Variants in CCDC171 observed in about 807,000 individuals in gnomAD.
CCDC171 encodes coiled-coil domain-containing protein 171.
CCDC171 carries 177 observed loss-of-function variants against 168.2 expected under a neutral mutation model. The ratio of observed to expected loss-of-function variants is 1.05; its 90% CI spans 0.93 to 1.19. The LOEUF (loss-of-function observed/expected upper bound fraction) is 1.19. Among genes scored for constraint, CCDC171 ranks in the 50% most tolerant of loss-of-function variants. The pLI, the probability that CCDC171 is intolerant of heterozygous loss-of-function variation, is 0.00. For synonymous variants in CCDC171, 687 were observed against 540.8 expected, an observed-to-expected ratio of 1.27 and a Z score of -3.75; for missense variants, 1,991 against 1,539.0, an observed-to-expected ratio of 1.29 and a Z score of -4.91.
chr9:16,107,743 C>A, the CCDC171 span, among the ~76,000 whole-genome samples: 3 of 151,650 alleles, frequency 2.0e-5, no homozygotes, highest in South Asian at 6.2e-4. Flanking sequence ...ACTTTCTTGA[C>A]AAAAAAAATT....
intron 7 of CCDC171, among the ~76,000 whole-genome samples, chr9:15,633,442 A>C (rs1002930466): frequency 1.7e-4 from 26 of 152,258 alleles, no homozygotes; most frequent in Non-Finnish European, 3.5e-4. Context: ...GTCACTGGCC[A>C]TCAGAGAAAT....
chr9:15,913,257 G>T (rs1373084747), intron 24 of CCDC171, among the ~76,000 whole-genome samples: 1 of 152,150 alleles, frequency 6.6e-6, no homozygotes, highest in African/African-American at 2.4e-5. Flanking sequence ...TTAGTCTTGG[G>T]TGGGTATATG....
intron 21 of CCDC171, among the ~76,000 whole-genome samples, chr9:15,799,490 A>G (rs2058717321): frequency 6.6e-6 from 1 of 151,638 alleles, no homozygotes; most frequent in Non-Finnish European, 1.5e-5. Flanking sequence ...GTTTGTGGAA[A>G]CTTAATAGGG....
At chr9:15,735,546 C>G (rs549248289) in intron 16 of CCDC171, among the ~76,000 whole-genome samples, 47 of 152,124 alleles carry the variant, frequency 3.1e-4, no homozygotes, top group African/African-American at 1.1e-3. Flanking sequence ...GAATGGAGAA[C>G]AAAACTCAGG....
intron 6 of CCDC171, among the ~76,000 whole-genome samples, chr9:15,615,503 C>A (rs938153327): frequency 6.6e-6 from 1 of 152,094 alleles, no homozygotes; most frequent in Non-Finnish European, 1.5e-5. Flanking sequence ...AGAATTTTAT[C>A]TAAATCTTGA....
intron 21 of CCDC171, among the ~76,000 whole-genome samples, chr9:15,802,384 A>G (rs1376653620): frequency 6.6e-6 from 1 of 151,986 alleles, no homozygotes; most frequent in Non-Finnish European, 1.5e-5. Context: ...TCCATTAGCT[A>G]TCCTTCCTGA....
In CCDC171 at chr9:15,910,718, C is replaced by A. The variant is rs140888908; in HGVS notation, c.3601-9552C>A. Among the ~76,000 whole-genome samples, 67 of 152,088 alleles carry A rather than the reference C, an allele frequency of 4.4e-4. No individual in the cohort carries two copies. The East Asian group carries it at 6.2e-3, about 14-fold the overall frequency. ...CCTAGCCCCCCACCCCACAACAGGCCCCGGTGTGTGATGTTCCCCTCCCTG... is the reference window on the plus strand; with the variant it reads ...CCTAGCCCCCCACCCCACAACAGGCACCGGTGTGTGATGTTCCCCTCCCTG... On this transcript the variant is annotated intron_variant, in intron 24 of 25. Coordinates refer to ENST00000380701, the MANE Select transcript of CCDC171 (RefSeq NM_173550.4).
chr9:15,803,113 G>A (rs577687270), intron 21 of CCDC171, among the ~76,000 whole-genome samples: 1 of 151,536 alleles, frequency 6.6e-6, no homozygotes, highest in African/African-American at 2.4e-5. Context: ...TGGTTGGTTG[G>A]TTGTTTGTTT....
intron 7 of CCDC171, among the ~76,000 whole-genome samples, chr9:15,633,027 T>C (rs1241159841): frequency 6.6e-6 from 1 of 152,188 alleles, no homozygotes; most frequent in Non-Finnish European, 1.5e-5. Context: ...TAATTCAAGA[T>C]GGATTAAAGA....
In CCDC171 at chr9:15,946,949, G is replaced by A. The variant is rs554632306; in HGVS notation, c.3754-24660G>A. 6.6e-5 allele frequency among the ~76,000 whole-genome samples: 10 copies of A among 151,892 alleles called. No individual in the cohort carries two copies. The South Asian group carries it at 2.1e-3, about 32-fold the overall frequency. ...TAAACACTTTTTTTCTGAATTACAG[G>A]GTTTTGTTGTTTAGGTTGTACAATT... On this transcript the variant is annotated intron_variant, in intron 25 of 25. Coordinates refer to ENST00000380701, the MANE Select transcript of CCDC171 (RefSeq NM_173550.4).
At chr9:15,786,544 C>T (rs191842898) in intron 21 of CCDC171, among the ~76,000 whole-genome samples, 27 of 152,072 alleles carry the variant, frequency 1.8e-4, no homozygotes, top group African/African-American at 6.3e-4. Flanking sequence ...CTTCAAACAC[C>T]ATGTCAAGGA....
chr9:15,863,364 A>G (rs2061640494), intron 23 of CCDC171, among the ~76,000 whole-genome samples: 1 of 151,964 alleles, frequency 6.6e-6, no homozygotes, highest in South Asian at 2.1e-4. Flanking sequence ...CCATAAAGGG[A>G]ATTGATATGT....
intron 7 of CCDC171, among the ~76,000 whole-genome samples, chr9:15,645,347 G>A (rs1251668267): frequency 2.2e-5 from 1 of 46,166 alleles, no homozygotes; most frequent in East Asian, 3.3e-4. Flanking sequence ...CTCTCCAAAG[G>A]AACTCAGCTC....
At chr9:15,960,882 C>G (rs1364823940) in intron 25 of CCDC171, among the ~76,000 whole-genome samples, 3 of 152,058 alleles carry the variant, frequency 2.0e-5, no homozygotes, top group Non-Finnish European at 4.4e-5. Flanking sequence ...GAGTATAGAG[C>G]TTATACCATG....
intron 10 of CCDC171, among the ~76,000 whole-genome samples, chr9:15,681,084 A>G (rs1156330300): frequency 6.6e-6 from 1 of 152,132 alleles, no homozygotes; most frequent in Non-Finnish European, 1.5e-5. Context: ...AGAGTGATAT[A>G]TGGCCTAAAA....
At chr9:15,579,669 G>C (rs1190290060) in intron 4 of CCDC171, among the ~76,000 whole-genome samples, 4 of 152,014 alleles carry the variant, frequency 2.6e-5, no homozygotes, top group Non-Finnish European at 5.9e-5. Context: ...CTACTATACT[G>C]GTTTTTAATA....
At chr9:15,856,037 G>A (rs2061337483) in intron 23 of CCDC171, among the ~76,000 whole-genome samples, 2 of 151,786 alleles carry the variant, frequency 1.3e-5, no homozygotes, top group Admixed American at 6.6e-5. Context: ...GTGAATTTGA[G>A]TTACTGTCTA....
chr9:15,749,457 C>T (rs2055558370), intron 18 of CCDC171, among the ~76,000 whole-genome samples: 1 of 152,182 alleles, frequency 6.6e-6, no homozygotes, highest in African/African-American at 2.4e-5. Flanking sequence ...GAACTGAGCT[C>T]TGGACCAAGC....
At chr9:15,814,172 GA>G (rs769113201) in intron 21 of CCDC171, among the ~76,000 whole-genome samples, 1 of 152,170 alleles carries the variant, frequency 6.6e-6, no homozygotes, top group Non-Finnish European at 1.5e-5. Context: ...TGATTTCCCA[GA>G]ATATTTTTGG....
Sources: gnomAD v4.1 joint callset for allele counts (sites outside exome capture counted in the v4.1 genomes callset) on GRCh38, gnomAD v4.1.1 for gene constraint, MANE v1.5 for transcripts, NCBI Gene and HGNC (gene_info 2026-07-23, HGNC 2026-07-21) for gene names.